ADTRP: variants seen among roughly 807,000 people sequenced by gnomAD.
ADTRP encodes androgen dependent TFPI regulating protein.
ADTRP carries 20 observed loss-of-function variants against 27.0 expected under a neutral mutation model. That is an observed-to-expected ratio of 0.74 (90% CI 0.52 to 1.08). The LOEUF (loss-of-function observed/expected upper bound fraction) is 1.08. Ranked by LOEUF, ADTRP falls within the 50% of genes least tolerant of loss-of-function variation. The probability of loss-of-function intolerance (pLI) is 0.00; values close to 1 mark genes in which losing one functional copy is unlikely to be tolerated. For missense variants in ADTRP, 251 were observed against 275.0 expected (o/e 0.91, Z 0.62); for synonymous variants, 101 against 105.2 (o/e 0.96, Z 0.25).
At chr6:11,737,314 T>A (rs1762584263) in intron 3 of ADTRP, among the ~76,000 whole-genome samples, 1 of 152,136 alleles carries the variant, frequency 6.6e-6, no homozygotes, top group South Asian at 2.1e-4. Flanking sequence ...AGTCTCCACC[T>A]GCAAGCTCCC....
rs375136244 is a variant in ADTRP, at chr6:11,768,322, C to T, written c.215G>A (p.Gly72Glu). Residue 72 changes from glycine (G) to glutamate (E), a missense_variant, in exon 2 of 6, where the codon GGG becomes GAG. By Grantham distance (98) the Gly-to-Glu change is moderately conservative (BLOSUM62 -2). Coordinates refer to ENST00000414691, the MANE Select transcript of ADTRP (RefSeq NM_032744.4). ...CLDDVLKRTK[G>E]GKDIKFLTAF... Reference sequence around the variant, plus strand: ...AGTTAGGAACTTAATGTCTTTTCCCCCTTTGGTTCTTTTCAGCACATCATC... The same window carrying T: ...AGTTAGGAACTTAATGTCTTTTCCCTCTTTGGTTCTTTTCAGCACATCATC... 3.1e-6 allele frequency: 5 copies of T among 1,614,174 alleles called. No individual in the cohort carries two copies. Among genetic ancestry groups the T allele is most frequent in the Non-Finnish European group, 4.2e-6 (5 of 1,180,022 alleles).
At chr6:11,719,928 C>A (rs1194292546) in intron 5 of ADTRP, among the ~76,000 whole-genome samples, 1 of 152,116 alleles carries the variant, frequency 6.6e-6, no homozygotes, top group African/African-American at 2.4e-5. Context: ...GGCGCTAGAT[C>A]CTCAGCAAGT....
At chr6:11,758,876 G>A (rs6938865) in intron 3 of ADTRP, among the ~76,000 whole-genome samples, 121,608 of 152,068 alleles carry the variant, frequency 0.8, 48,665 homozygotes, top group East Asian at 0.95. Flanking sequence ...ACAATCCATT[G>A]GTCTGCTCTG....
intron 5 of ADTRP, among the ~76,000 whole-genome samples, chr6:11,719,118 G>A (rs1239058600): frequency 2.0e-5 from 3 of 152,182 alleles, no homozygotes; most frequent in Non-Finnish European, 2.9e-5. Context: ...GCCCACTCAG[G>A]AGAGCACCAC....
chr6:11,723,317 C>A (rs200526462), intron 5 of ADTRP, 32 bp downstream of exon 5: 3 of 1,608,524 alleles, frequency 1.9e-6, no homozygotes, highest in East Asian at 4.5e-5. Flanking sequence ...ACGGAAGAAG[C>A]GCATCTGTAG....
intron 3 of ADTRP, among the ~76,000 whole-genome samples, chr6:11,743,149 G>C (rs1581337638): frequency 6.6e-6 from 1 of 152,176 alleles, no homozygotes. Context: ...CAATGCTTCA[G>C]TGCTTAACAG....
intron 1 of ADTRP, among the ~76,000 whole-genome samples, chr6:11,774,780 GGCTGCTGAGCCTTGCCCTAAACCCCCTA>G (rs1489155694): frequency 6.6e-6 from 1 of 152,216 alleles, no homozygotes; most frequent in African/African-American, 2.4e-5. Flanking sequence ...GCCAAGCTGT[GGCTGCTGAGCCTTGCCCTAAACCCCCTA>G]GCTCATATTC....
chr6:11,720,863 T>C (rs1762003666), intron 5 of ADTRP, among the ~76,000 whole-genome samples: 2 of 152,154 alleles, frequency 1.3e-5, no homozygotes, highest in Admixed American at 6.5e-5. Context: ...AGTCACTCCT[T>C]ATCTGCTGTC....
At chr6:11,759,117 G>C (rs949583108) in intron 3 of ADTRP, among the ~76,000 whole-genome samples, 11 of 152,208 alleles carry the variant, frequency 7.2e-5, no homozygotes, top group Non-Finnish European at 1.6e-4. Flanking sequence ...CATTTGCAAA[G>C]GGAGGCCTAC....
In ADTRP at chr6:11,750,901, G is replaced by A. The variant is rs576863954; in HGVS notation, c.391-15218C>T. 5.2e-3 allele frequency among the ~76,000 whole-genome samples: 794 copies of A among 152,292 alleles called. 2 individuals are homozygous for A. The highest frequency in any genetic ancestry group is 0.014 in the Middle Eastern group (4 of 294). On this transcript the variant is annotated intron_variant, in intron 3 of 5. Coordinates refer to ENST00000414691, the MANE Select transcript of ADTRP (RefSeq NM_032744.4). ...GAACCTTGCTGAATCGCCCAGGCCG[G>A]ATTGCAACGGCACAATCTTGGCTCT...
At chr6:11,766,456 T>C in intron 2 of ADTRP, 81 bp from the exon 3 acceptor site, 1 of 1,050,278 alleles carries the variant, frequency 9.5e-7, no homozygotes, top group Non-Finnish European at 1.4e-6. Flanking sequence ...GAAACACAGC[T>C]AAATAAAAAC....
intron 3 of ADTRP, chr6:11,736,514 C>T (rs114722067): frequency 0.08 from 12,200 of 152,588 alleles, 615 homozygotes; most frequent in Non-Finnish European, 0.11. Context: ...CACACATACA[C>T]ACACACAACC....
At chr6:11,725,793 G>A (rs1244651428) in intron 4 of ADTRP, among the ~76,000 whole-genome samples, 1 of 151,574 alleles carries the variant, frequency 6.6e-6, no homozygotes, top group South Asian at 2.1e-4. Context: ...CAGCTACTTG[G>A]GAGGCTGAGG....
intron 5 of ADTRP, among the ~76,000 whole-genome samples, chr6:11,719,995 C>T (rs546588717): frequency 6.6e-6 from 1 of 152,314 alleles, no homozygotes; most frequent in South Asian, 2.1e-4. Flanking sequence ...TCCACTAGGA[C>T]AAGAGAAAGC....
At chr6:11,771,689 A>C (rs1382056895) in intron 1 of ADTRP, among the ~76,000 whole-genome samples, 1 of 152,210 alleles carries the variant, frequency 6.6e-6, no homozygotes, top group Non-Finnish European at 1.5e-5. Flanking sequence ...ATATGTCGAA[A>C]TCCTAACCTC....
intron 5 of ADTRP, among the ~76,000 whole-genome samples, chr6:11,716,719 C>CTTTTTTT (rs1554110530): frequency 8.0e-6 from 1 of 125,412 alleles, no homozygotes; most frequent in African/African-American, 3.0e-5. Context: ...TTTTCTTTTT[C>CTTTTTTT]TTTTTTTTTT....
chr6:11,717,979 C>A (rs1403715936), intron 5 of ADTRP, among the ~76,000 whole-genome samples: 1 of 152,234 alleles, frequency 6.6e-6, no homozygotes, highest in Non-Finnish European at 1.5e-5. Context: ...TAAGACAAAC[C>A]TCATCTAATT....
chr6:11,764,349 G>A (rs1454722122), intron 3 of ADTRP, among the ~76,000 whole-genome samples: 1 of 152,140 alleles, frequency 6.6e-6, no homozygotes, highest in African/African-American at 2.4e-5. Context: ...GGGGGAGATG[G>A]TAGTCATTGT....
At chr6:11,725,628 C>T (rs977074406) in intron 4 of ADTRP, among the ~76,000 whole-genome samples, 1 of 152,032 alleles carries the variant, frequency 6.6e-6, no homozygotes, top group African/African-American at 2.4e-5. Flanking sequence ...TATGGTGGTT[C>T]TCCCCAAAAT....
Sources: gnomAD v4.1 joint callset for allele counts (sites outside exome capture counted in the v4.1 genomes callset) on GRCh38, gnomAD v4.1.1 for gene constraint, MANE v1.5 for transcripts, NCBI Gene and HGNC (gene_info 2026-07-23, HGNC 2026-07-21) for gene names.